Variants in LRBA observed in about 807,000 individuals in gnomAD.
The protein encoded by LRBA is LPS responsive beige-like anchor protein.
LRBA carries 176 observed loss-of-function variants against 330.0 expected under a neutral mutation model. The ratio of observed to expected loss-of-function variants is 0.53; its 90% CI spans 0.47 to 0.60. LRBA has a LOEUF of 0.60. Among genes scored for constraint, LRBA ranks in the 20% least tolerant of loss-of-function variants. The pLI, the probability that LRBA is intolerant of heterozygous loss-of-function variation, is 0.00. For synonymous variants in LRBA, 1,230 were observed against 1,193.0 expected, an observed-to-expected ratio of 1.03 and a Z score of -0.64; for missense variants, 3,259 against 3,444.8, an observed-to-expected ratio of 0.95 and a Z score of 1.35.
rs369187914 is a variant in LRBA, at chr4:150,683,596, T to C, written c.5876A>G (p.Asn1959Ser). ...GGCTCCATGCTTGTCTGTGAGAATG[T>C]TGATAATTTTCTGGATTAGTTGAGT... ...TATQLIQKII[N>S]ILTDKHGAWG... The change falls in exon 37 of 57, where the codon AAC becomes AGC. Residue 1959 changes from asparagine (N) to serine (S), a missense_variant. By Grantham distance (46) the Asn-to-Ser change is conservative. Coordinates refer to ENST00000651943, the MANE Select transcript of LRBA (RefSeq NM_001364905.1). The C allele has an allele frequency of 4.6e-5, 75 of 1,613,842 alleles. No individual in the cohort carries two copies. Among genetic ancestry groups the C allele is most frequent in the African/African-American group, 1.6e-4 (12 of 74,886 alleles).
intron 17 of LRBA, among the ~76,000 whole-genome samples, chr4:150,883,867 T>C (rs1386109070): frequency 1.3e-5 from 2 of 152,138 alleles, no homozygotes; most frequent in Admixed American, 6.5e-5. Flanking sequence ...ACTGAGAAAG[T>C]AGCAAAAATT....
rs1386603545 is a variant in LRBA, at chr4:150,264,611, A to AAAAG, written c.*1107_*1110dup. 2 of 152,532 alleles carry AAAAG rather than the reference A, an allele frequency of 1.3e-5. No homozygotes were observed. The highest frequency in any genetic ancestry group is 2.9e-5 in the Non-Finnish European group (2 of 68,042). 9.4% of individuals were successfully genotyped at this position (152,532 alleles called of 1,614,324 possible). ...AGAGAAGAGCTGAGTGTGTAGGAAA[A>AAAAG]AAAGAGGGACCACTTGAAGTCTGTT... On this transcript the variant is annotated 3_prime_UTR_variant, in exon 57 of 57. Coordinates refer to ENST00000651943, the MANE Select transcript of LRBA (RefSeq NM_001364905.1).
At chr4:150,646,277 C>T (rs1348691658) in intron 37 of LRBA, among the ~76,000 whole-genome samples, 7 of 151,672 alleles carry the variant, frequency 4.6e-5, no homozygotes, top group Non-Finnish European at 7.4e-5. Flanking sequence ...GCATGAGCAA[C>T]GAGAAGGATA....
intron 2 of LRBA, among the ~76,000 whole-genome samples, chr4:150,935,320 T>C (rs756964466): frequency 2.0e-5 from 3 of 152,036 alleles, no homozygotes; most frequent in Non-Finnish European, 4.4e-5. Context: ...AAATATAAAA[T>C]ATATAACATT....
intron 22 of LRBA, among the ~76,000 whole-genome samples, chr4:150,867,198 A>G (rs559963186): frequency 6.6e-6 from 1 of 151,938 alleles, no homozygotes; most frequent in South Asian, 2.1e-4. Context: ...CATCACCCAG[A>G]GCTTTTCTGT....
chr4:150,969,208 T>C (rs773866197), intron 2 of LRBA, among the ~76,000 whole-genome samples: 2 of 152,202 alleles, frequency 1.3e-5, no homozygotes, highest in African/African-American at 2.4e-5. Flanking sequence ...TTGCAGCCCA[T>C]AGTTCAAAAT....
In LRBA at chr4:150,962,727, A is replaced by G. The variant is rs1026955890; in HGVS notation, c.217-33662T>C. Among the ~76,000 whole-genome samples the G allele has an allele frequency of 2.9e-4, 43 of 148,926 alleles. 6 individuals carry two copies. The highest frequency in any genetic ancestry group is 1.1e-3 in the African/African-American group (42 of 38,500). ...CCAGCACTTTGGGAGGCTGAGGTGGACAGATCACTTGAGGTCAGGAGTTCG... is the reference window on the plus strand; with the variant it reads ...CCAGCACTTTGGGAGGCTGAGGTGGGCAGATCACTTGAGGTCAGGAGTTCG... On this transcript the variant is annotated intron_variant, in intron 2 of 56. Transcript: ENST00000651943.
At chr4:150,686,556 A>T (rs1783644795) in intron 36 of LRBA, among the ~76,000 whole-genome samples, 1 of 152,228 alleles carries the variant, frequency 6.6e-6, no homozygotes, top group Non-Finnish European at 1.5e-5. Context: ...AGCATTCTAT[A>T]GGTTATTTCA....
intron 24 of LRBA, 92 bp from the exon 25 acceptor site, chr4:150,849,667 T>G (rs1750364989): frequency 2.1e-6 from 2 of 967,314 alleles, no homozygotes; most frequent in African/African-American, 3.2e-5. Context: ...GAAGGTGCTT[T>G]TGCTTCATCT....
chr4:150,894,865 A>T (rs1156435704), intron 16 of LRBA, among the ~76,000 whole-genome samples: 1 of 152,194 alleles, frequency 6.6e-6, no homozygotes, highest in African/African-American at 2.4e-5. Context: ...AACTTCAAAT[A>T]TTATATTTGG....
chr4:150,389,676 C>CAAAAAAAAAAAAAA (rs34170088), intron 47 of LRBA, among the ~76,000 whole-genome samples: 3 of 80,092 alleles, frequency 3.7e-5, no homozygotes, highest in East Asian at 4.0e-4. Flanking sequence ...GACTCTGTCT[C>CAAAAAAAAAAAAAA]AAAAAAAAAA....
chr4:150,761,755 C>A, intron 35 of LRBA, 28 bp downstream of exon 35: 1 of 1,422,864 alleles, frequency 7.0e-7, no homozygotes, highest in Non-Finnish European at 9.6e-7. Flanking sequence ...AAGAAAAATA[C>A]AAAATGAATT....
intron 9 of LRBA, among the ~76,000 whole-genome samples, chr4:150,909,619 AT>A: frequency 6.6e-6 from 1 of 152,064 alleles, no homozygotes; most frequent in Non-Finnish European, 1.5e-5. Context: ...TTGTGACCCT[AT>A]TTTTTGTGTG....
intron 16 of LRBA, 89 bp from the exon 17 acceptor site, chr4:150,893,238 T>C (rs1729662457): frequency 2.9e-6 from 2 of 685,908 alleles, no homozygotes; most frequent in Non-Finnish European, 5.1e-6. Context: ...AATTTCAACA[T>C]TAGAAATATA....
At chr4:150,937,296 G>C (rs915165527) in intron 2 of LRBA, among the ~76,000 whole-genome samples, 8 of 152,038 alleles carry the variant, frequency 5.3e-5, no homozygotes, top group African/African-American at 1.9e-4. Flanking sequence ...ATAGTTATTT[G>C]AAGCTGATCA....
chr4:150,506,272 C>T (rs559416132), intron 40 of LRBA, among the ~76,000 whole-genome samples: 1 of 151,544 alleles, frequency 6.6e-6, no homozygotes, highest in African/African-American at 2.4e-5. Context: ...GAGACACAAC[C>T]AAAAAAGAGA....
Position 150,701,984 on chromosome 4 carries a change from G to T in LRBA, c.5755-18267C>A, listed in dbSNP as rs557355334. ...TTGACCATCCTTCTTCTCACTAAGGGTTTTTAAGATAAGGTGGCCAACTAG... is the reference window on the plus strand; with the variant it reads ...TTGACCATCCTTCTTCTCACTAAGGTTTTTTAAGATAAGGTGGCCAACTAG... On this transcript the variant is annotated intron_variant, in intron 36 of 56. Coordinates refer to ENST00000651943, the MANE Select transcript of LRBA (RefSeq NM_001364905.1). Among the ~76,000 whole-genome samples, 22 of 152,270 alleles carry T rather than the reference G, an allele frequency of 1.4e-4. No homozygotes were observed. The East Asian group carries it at 4.2e-3, about 29-fold the overall frequency.
intron 5 of LRBA, among the ~76,000 whole-genome samples, chr4:150,917,171 AT>A (rs1179450296): frequency 2.5e-4 from 38 of 151,902 alleles, no homozygotes; most frequent in Non-Finnish European, 5.0e-4. Flanking sequence ...AAATATATAT[AT>A]ATCTGAAAGA....
At chr4:150,832,096 A>G (rs1404215105) in intron 28 of LRBA, 120 bp from the exon 29 acceptor site, 1 of 481,040 alleles carries the variant, frequency 2.1e-6, no homozygotes, top group African/African-American at 2.0e-5. Context: ...CAGAAAATAC[A>G]TTACCTACGT....
Sources: allele counts gnomAD v4.1 joint callset (sites outside exome capture counted in the v4.1 genomes callset), GRCh38; gene constraint gnomAD v4.1.1; transcripts MANE v1.5; gene names NCBI Gene and HGNC (gene_info 2026-07-23, HGNC 2026-07-21).